Variants in AMMECR1 observed in about 807,000 individuals in gnomAD.
The protein encoded by AMMECR1 is nuclear protein AMMECR1.
AMMECR1 carries 3 observed loss-of-function variants against 22.5 expected under a neutral mutation model. That is an observed-to-expected ratio of 0.13 (90% CI 0.06 to 0.35). The LOEUF is 0.35. Ranked by LOEUF, AMMECR1 falls within the 10% of genes least tolerant of loss-of-function variation. AMMECR1 has a pLI of 1.00. For missense variants in AMMECR1, 235 were observed against 278.7 expected, an observed-to-expected ratio of 0.84 and a Z score of 1.12; for synonymous variants, 130 against 116.7, an observed-to-expected ratio of 1.11 and a Z score of -0.74.
intron 3 of AMMECR1, among the ~76,000 whole-genome samples, chrX:110,213,850 T>A (rs189502736): frequency 4.8e-4 from 54 of 111,523 alleles, no homozygotes; most frequent in African/African-American, 1.8e-3. Flanking sequence ...TACAAATTTC[T>A]CTTCTGCCAA....
intron 2 of AMMECR1, among the ~76,000 whole-genome samples, chrX:110,411,954 T>TC (rs2068644457): frequency 8.9e-6 from 1 of 112,550 alleles, no homozygotes; most frequent in Non-Finnish European, 1.9e-5. Context: ...TAAACGAGCT[T>TC]CTGTAGACCA....
chrX:110,404,977 T>G (rs188392571), intron 2 of AMMECR1, among the ~76,000 whole-genome samples: 10 of 110,989 alleles, frequency 9.0e-5, no homozygotes, highest in African/African-American at 2.9e-4. Context: ...TTTCTCCTAA[T>G]AGCCTAAAGT....
At chrX:110,392,303 G>T (rs184155686) in intron 2 of AMMECR1, among the ~76,000 whole-genome samples, 89 of 98,356 alleles carry the variant, frequency 9.0e-4, no homozygotes, top group African/African-American at 3.1e-3. Flanking sequence ...TTGAGACAAG[G>T]TCTCACTCTA....
At chrX:110,434,023 G>C (rs1020399437) in intron 1 of AMMECR1, among the ~76,000 whole-genome samples, 1 of 111,476 alleles carries the variant, frequency 9.0e-6, no homozygotes, top group Non-Finnish European at 1.9e-5. Context: ...AACGTATCTG[G>C]GGAAGTTGAG....
intron 2 of AMMECR1, among the ~76,000 whole-genome samples, chrX:110,401,031 A>G (rs2068560819): frequency 8.9e-6 from 1 of 112,307 alleles, no homozygotes. Context: ...GTGCTGAACC[A>G]TTTACACAAA....
intron 1 of AMMECR1, among the ~76,000 whole-genome samples, chrX:110,434,413 A>T (rs1039980490): frequency 1.8e-5 from 2 of 111,446 alleles, no homozygotes; most frequent in African/African-American, 6.5e-5. Flanking sequence ...CAATTGGGAG[A>T]CCATCTCCAG....
chrX:110,410,674 G>C lies in AMMECR1; in HGVS notation c.-148+15984C>G, dbSNP rs189766044. On this transcript the variant is annotated intron_variant, in intron 2 of 7. Coordinates refer to the AMMECR1 transcript ENST00000372057. ...CCACAGACAAAATGTCCACAGCTTT[G>C]GGAAGCATGGAGGGAGAAGGGAAAC... 4.5e-4 allele frequency among the ~76,000 whole-genome samples: 50 copies of C among 111,767 alleles called. 3 individuals are homozygous for C. The East Asian group carries it at 0.014, about 31-fold the overall frequency.
intron 1 of AMMECR1, among the ~76,000 whole-genome samples, chrX:110,279,289 T>C (rs1295230806): frequency 8.9e-6 from 1 of 112,399 alleles, no homozygotes; most frequent in Non-Finnish European, 1.9e-5. Flanking sequence ...TTCAAAAAAA[T>C]GAAACAGAAT....
chrX:110,313,035 ATCAT>A (rs1156861456), intron 1 of AMMECR1, among the ~76,000 whole-genome samples: 6 of 112,026 alleles, frequency 5.4e-5, no homozygotes, highest in African/African-American at 1.9e-4. Context: ...CAAATTTAAT[ATCAT>A]TTTAACCTGA....
chrX:110,241,346 TAAA>T (rs1175612293), intron 2 of AMMECR1, among the ~76,000 whole-genome samples: 2 of 110,517 alleles, frequency 1.8e-5, no homozygotes, highest in Non-Finnish European at 3.8e-5. Context: ...GCCAGACTAA[TAAA>T]GAAGAAAAGA....
At position 110,264,598 on chromosome X, in the gene AMMECR1, G is replaced by A; in HGVS notation, c.475C>T (p.Pro159Ser). The A allele has an allele frequency of 8.6e-7, 1 of 1,156,778 alleles. No individual in the cohort carries two copies. Among genetic ancestry groups the A allele is most frequent in the Non-Finnish European group, 1.2e-6 (1 of 849,336 alleles). The change falls in exon 2 of 6, where the codon CCA (proline) becomes TCA (serine). Residue 159 changes from proline to serine, a missense_variant and splice_region_variant. Physicochemically the swap from Pro to Ser is moderately conservative, Grantham distance 74 (BLOSUM62 -1). Around this residue, in one of 2 missense-constraint regions of AMMECR1, gnomAD observed 111 missense variants for 181.7 expected, o/e 0.61. Transcript: ENST00000262844. ...CCAATCTTCCATGTTACAAACAGTG[G>A]GCTGTAATGGAAGATAAAAATAGGG... ...RTPRFTNEPYPLFVTWKIGRD... is the reference protein window; with the variant it reads ...RTPRFTNEPYSLFVTWKIGRD...
chrX:110,230,039 A>AC (rs1376364714), intron 2 of AMMECR1, among the ~76,000 whole-genome samples: 2 of 113,049 alleles, frequency 1.8e-5, no homozygotes, highest in Non-Finnish European at 3.8e-5. Flanking sequence ...CAGCTCAACA[A>AC]CGCCTACTGC....
At chrX:110,248,846 G>A (rs910138750) in intron 2 of AMMECR1, among the ~76,000 whole-genome samples, 2 of 112,186 alleles carry the variant, frequency 1.8e-5, no homozygotes, top group Non-Finnish European at 3.8e-5. Flanking sequence ...AGAGAGTTGT[G>A]TCTGGCTAGA....
intron 5 of AMMECR1, among the ~76,000 whole-genome samples, chrX:110,200,670 G>A (rs1488946215): frequency 8.9e-6 from 1 of 111,834 alleles, no homozygotes; most frequent in Non-Finnish European, 1.9e-5. Context: ...GCTAATTCAA[G>A]TACTTTCTCC....
intron 2 of AMMECR1, among the ~76,000 whole-genome samples, chrX:110,255,132 T>C (rs972242160): frequency 2.7e-5 from 3 of 112,556 alleles, no homozygotes; most frequent in African/African-American, 9.7e-5. Context: ...CTTGCTACTT[T>C]CAAAGGGTTT....
intron 2 of AMMECR1, among the ~76,000 whole-genome samples, chrX:110,404,539 A>T (rs1333993107): frequency 8.9e-6 from 1 of 112,329 alleles, no homozygotes; most frequent in Non-Finnish European, 1.9e-5. Context: ...TGATCATAAG[A>T]AACTGTAATT....
rs4399086 is a variant in AMMECR1 at position 110,315,538 on chromosome X, G to A, written c.473+2061C>T. 1.4e-4 allele frequency among the ~76,000 whole-genome samples: 16 copies of A among 112,293 alleles called. No homozygotes were observed. In the East Asian group the frequency reaches 1.7e-3, roughly 12 times the overall value. ...TTTGAATAGAATAATATCTAAATACGTGTGCAAAGTGGCTACTGTTAAAAT... is the reference window on the plus strand; with the variant it reads ...TTTGAATAGAATAATATCTAAATACATGTGCAAAGTGGCTACTGTTAAAAT... On this transcript the variant is annotated intron_variant, in intron 1 of 5. Coordinates refer to ENST00000262844, the MANE Select transcript of AMMECR1 (RefSeq NM_015365.3).
At chrX:110,250,894 C>G (rs1283903664) in intron 2 of AMMECR1, among the ~76,000 whole-genome samples, 1 of 111,953 alleles carries the variant, frequency 8.9e-6, no homozygotes, top group Non-Finnish European at 1.9e-5. Flanking sequence ...TCTTCAGTCA[C>G]TTATAATGAG....
At chrX:110,310,880 T>C (rs972934088) in intron 1 of AMMECR1, among the ~76,000 whole-genome samples, 1 of 111,856 alleles carries the variant, frequency 8.9e-6, no homozygotes, top group African/African-American at 3.3e-5. Context: ...GTCTCCCCTA[T>C]CTTGAGACTC....
Sources: allele counts gnomAD v4.1 joint callset (sites outside exome capture counted in the v4.1 genomes callset), GRCh38; gene constraint gnomAD v4.1.1; regional missense constraint gnomAD v4.1.1; transcripts MANE v1.5; gene names NCBI Gene and HGNC (gene_info 2026-07-23, HGNC 2026-07-21).